Variants in MAPK10 observed in about 807,000 individuals in gnomAD.
MAPK10 encodes the protein JNK3 alpha protein kinase.
Under a neutral mutation model 59.3 loss-of-function variants are expected in MAPK10, and 25 were observed. The observed-to-expected ratio is 0.42, with a 90% CI of 0.31 to 0.59. The LOEUF (loss-of-function observed/expected upper bound fraction) is 0.59. MAPK10 is among the 20% of genes least tolerant of loss of function. The pLI, the probability that MAPK10 is intolerant of heterozygous loss-of-function variation, is 0.15. For missense variants in MAPK10, 351 were observed against 568.9 expected, an observed-to-expected ratio of 0.62 and a Z score of 3.90; for synonymous variants, 190 against 200.5, an observed-to-expected ratio of 0.95 and a Z score of 0.44.
At chr4:86,150,589 C>T (rs1158866827) in intron 4 of MAPK10, among the ~76,000 whole-genome samples, 1 of 152,160 alleles carries the variant, frequency 6.6e-6, no homozygotes, top group African/African-American at 2.4e-5. Flanking sequence ...TGGCCAGGCG[C>T]GGTGGCTCAC....
chr4:86,272,372 T>C (rs1178832909), intron 2 of MAPK10, among the ~76,000 whole-genome samples: 1 of 152,050 alleles, frequency 6.6e-6, no homozygotes, highest in Non-Finnish European at 1.5e-5. Context: ...TTATAATTAA[T>C]TCCTCTCTAA....
chr4:86,411,208 G>A (rs1001052761), intron 1 of MAPK10, among the ~76,000 whole-genome samples: 1 of 152,196 alleles, frequency 6.6e-6, no homozygotes, highest in Admixed American at 6.5e-5. Context: ...TAGTTGTGTG[G>A]TTTTGAGTGA....
At chr4:86,405,905 C>T (rs1021495591) in intron 1 of MAPK10, among the ~76,000 whole-genome samples, 5 of 152,170 alleles carry the variant, frequency 3.3e-5, no homozygotes, top group Admixed American at 6.5e-5. Context: ...CAGTAACTCA[C>T]ATATTTGTTG....
At chr4:86,553,734 A>G (rs1760040288) in intron 1 of MAPK10, among the ~76,000 whole-genome samples, 1 of 152,094 alleles carries the variant, frequency 6.6e-6, no homozygotes, top group South Asian at 2.1e-4. Flanking sequence ...GGAAGTGCCT[A>G]CATTCAATTT....
At chr4:86,213,031 C>T (rs112040947) in intron 2 of MAPK10, among the ~76,000 whole-genome samples, 1 of 151,864 alleles carries the variant, frequency 6.6e-6, no homozygotes, top group African/African-American at 2.4e-5. Context: ...AAGTTAGAAA[C>T]CAATAACAGA....
chr4:86,511,829 A>C (rs1039331853), intron 1 of MAPK10, among the ~76,000 whole-genome samples: 2 of 150,190 alleles, frequency 1.3e-5, no homozygotes, highest in African/African-American at 4.9e-5. Context: ...AAGGAAGGAA[A>C]GAAGGAAGGA....
At chr4:86,393,458 T>C (rs1021219513) in intron 1 of MAPK10, among the ~76,000 whole-genome samples, 1 of 152,152 alleles carries the variant, frequency 6.6e-6, no homozygotes, top group Non-Finnish European at 1.5e-5. Context: ...AAAATATTCA[T>C]GTTTACTTGT....
chr4:86,220,983 C>A (rs1035442864), intron 2 of MAPK10, among the ~76,000 whole-genome samples: 3 of 151,562 alleles, frequency 2.0e-5, no homozygotes, highest in African/African-American at 7.3e-5. Flanking sequence ...ATTTTCCTCT[C>A]CAATGAACAT....
chr4:86,359,129 C>T (rs1365372131), intron 1 of MAPK10, among the ~76,000 whole-genome samples: 1 of 151,916 alleles, frequency 6.6e-6, no homozygotes, highest in Non-Finnish European at 1.5e-5. Flanking sequence ...TTAAATTATA[C>T]TTCTCACAAA....
chr4:86,528,344 G>GA lies in MAPK10; in HGVS notation c.-263+65565dup, dbSNP rs371046344. Reference sequence around the variant, plus strand: ...ATAAAGCAATTCCATGATATTTTCAGAAAAAAAAAACAACATAAAAATTGC... The same window carrying GA: ...ATAAAGCAATTCCATGATATTTTCAGAAAAAAAAAAACAACATAAAAATTGC... On this transcript the variant is annotated intron_variant, in intron 1 of 4. Transcript: ENST00000502302. Among the ~76,000 whole-genome samples, 1,292 of 142,758 alleles carry GA rather than the reference G, an allele frequency of 9.1e-3. 20 individuals carry two copies. Among genetic ancestry groups the GA allele is most frequent in the African/African-American group, 0.029 (1,123 of 39,044 alleles). 93.7% of individuals were successfully genotyped at this position (142,758 alleles called of 152,430 possible).
chr4:86,589,050 G>A (rs1035069677), intron 1 of MAPK10, among the ~76,000 whole-genome samples: 1 of 151,924 alleles, frequency 6.6e-6, no homozygotes, highest in Non-Finnish European at 1.5e-5. Context: ...AGGGGTCGCT[G>A]CTGCTACCAC....
chr4:86,143,003 G>T (rs2063978448), intron 4 of MAPK10, among the ~76,000 whole-genome samples: 1 of 152,126 alleles, frequency 6.6e-6, no homozygotes, highest in Non-Finnish European at 1.5e-5. Context: ...CCTGATACTG[G>T]GTAATTTATA....
At position 86,010,679 on chromosome 4, in the gene MAPK10, C is replaced by A. The variant is rs1382253450; in HGVS notation, c.*6549G>T. 3 of 152,130 alleles carry A rather than the reference C, an allele frequency of 2.0e-5. No homozygotes were observed. Among genetic ancestry groups the A allele is most frequent in the African/African-American group, 4.8e-5 (2 of 41,442 alleles). 9.4% of individuals were successfully genotyped at this position (152,130 alleles called of 1,614,324 possible). On this transcript the variant is annotated 3_prime_UTR_variant, in exon 14 of 14. Transcript: ENST00000641462. ...AAGAAATACTTTAATATTATGAATT[C>A]TCTTGGTCTGTGTAAAATATTATTT...
At chr4:86,422,641 A>G (rs1360080062) in intron 1 of MAPK10, among the ~76,000 whole-genome samples, 1 of 152,328 alleles carries the variant, frequency 6.6e-6, no homozygotes, top group East Asian at 1.9e-4. Context: ...TAAGCCAACA[A>G]GGACATAATT....
At chr4:86,074,139 C>A (rs1254640600) in intron 9 of MAPK10, among the ~76,000 whole-genome samples, 3 of 112,792 alleles carry the variant, frequency 2.7e-5, no homozygotes, top group Non-Finnish European at 5.7e-5. Context: ...ATCCCTTTAC[C>A]ATTATGTAAT....
intron 1 of MAPK10, among the ~76,000 whole-genome samples, chr4:86,418,164 C>T (rs1746087444): frequency 1.3e-5 from 2 of 152,192 alleles, no homozygotes; most frequent in African/African-American, 4.8e-5. Flanking sequence ...ACATTAAAGG[C>T]ACACAGTAGT....
chr4:86,169,922 A>G (rs1489294939), intron 3 of MAPK10, among the ~76,000 whole-genome samples: 1 of 152,210 alleles, frequency 6.6e-6, no homozygotes, highest in African/African-American at 2.4e-5. Flanking sequence ...ACATTCTTAA[A>G]GAAAAGAATT....
chr4:86,279,533 A>C (rs2094714624), intron 2 of MAPK10, among the ~76,000 whole-genome samples: 2 of 152,232 alleles, frequency 1.3e-5, no homozygotes, highest in Non-Finnish European at 2.9e-5. Flanking sequence ...TATGCAAAGC[A>C]TATGGTAGAG....
intron 4 of MAPK10, 35 bp downstream of exon 4, chr4:86,159,263 T>G: frequency 6.5e-7 from 1 of 1,549,682 alleles, no homozygotes. Context: ...CACGGTGTGT[T>G]CCCTTTAAAA....
Sources: gnomAD v4.1 joint callset for allele counts (sites outside exome capture counted in the v4.1 genomes callset) on GRCh38, gnomAD v4.1.1 for gene constraint, MANE v1.5 for transcripts, NCBI Gene and HGNC (gene_info 2026-07-23, HGNC 2026-07-21) for gene names.